The following TMPRSS11F variants were observed in gnomAD, a reference collection of about 807,000 sequenced individuals.
TMPRSS11F encodes transmembrane serine protease 11F.
TMPRSS11F carries 47 observed loss-of-function variants against 60.2 expected under a neutral mutation model. The ratio of observed to expected loss-of-function variants is 0.78; its 90% CI spans 0.62 to 1.00. TMPRSS11F has a LOEUF of 1.00. Ranked by LOEUF, TMPRSS11F falls within the 50% of genes least tolerant of loss-of-function variation. The pLI is 0.00. For missense variants in TMPRSS11F, 519 were observed against 522.9 expected (o/e 0.99, Z 0.07); for synonymous variants, 166 against 167.3 (o/e 0.99, Z 0.06).
At chr4:68,091,755 C>A (rs10005543) in intron 2 of TMPRSS11F, among the ~76,000 whole-genome samples, 8 of 28,290 alleles carry the variant, frequency 2.8e-4, no homozygotes, top group East Asian at 2.6e-3. Flanking sequence ...TAATCTCTCT[C>A]TCTCTCTCTC....
At chr4:68,084,280 C>T (rs1723763073) in intron 3 of TMPRSS11F, among the ~76,000 whole-genome samples, 1 of 152,098 alleles carries the variant, frequency 6.6e-6, no homozygotes, top group African/African-American at 2.4e-5. Context: ...CCCAATCTCA[C>T]TAGAGAAGTT....
At chr4:68,128,089 T>C (rs930595087) in intron 1 of TMPRSS11F, among the ~76,000 whole-genome samples, 1 of 152,094 alleles carries the variant, frequency 6.6e-6, no homozygotes, top group African/African-American at 2.4e-5. Context: ...TTTACCAAAA[T>C]GAGAAAGACA....
At chr4:68,073,684 G>A (rs1723525979) in intron 4 of TMPRSS11F, among the ~76,000 whole-genome samples, 1 of 152,288 alleles carries the variant, frequency 6.6e-6, no homozygotes, top group East Asian at 1.9e-4. Flanking sequence ...GGGGGAAGAG[G>A]GAATGTTAAC....
At chr4:68,061,439 C>T (rs941108042) in intron 8 of TMPRSS11F, among the ~76,000 whole-genome samples, 2 of 152,176 alleles carry the variant, frequency 1.3e-5, no homozygotes, top group African/African-American at 4.8e-5. Context: ...AATCTCAGAA[C>T]TGTTTTTAAC....
chr4:68,101,292 C>G (rs1265696519), intron 1 of TMPRSS11F, among the ~76,000 whole-genome samples: 11 of 152,094 alleles, frequency 7.2e-5, no homozygotes, highest in Non-Finnish European at 1.6e-4. Context: ...TGAAGTGTAG[C>G]TGGCAGGTAC....
intron 1 of TMPRSS11F, among the ~76,000 whole-genome samples, chr4:68,118,491 T>C (rs1010086832): frequency 1.3e-5 from 2 of 152,230 alleles, no homozygotes; most frequent in Non-Finnish European, 2.9e-5. Context: ...GTATATTTTA[T>C]GCAATTTAAA....
intron 1 of TMPRSS11F, among the ~76,000 whole-genome samples, chr4:68,117,636 G>T (rs1724554236): frequency 6.6e-6 from 1 of 152,092 alleles, no homozygotes; most frequent in Non-Finnish European, 1.5e-5. Context: ...CATCTGTTAG[G>T]ATGGTTGTTA....
chr4:68,087,634 A>G (rs1008962155), intron 3 of TMPRSS11F, among the ~76,000 whole-genome samples: 1 of 152,208 alleles, frequency 6.6e-6, no homozygotes, highest in Non-Finnish European at 1.5e-5. Flanking sequence ...AAAAGCTCCC[A>G]GAATCGATAA....
chr4:68,094,635 A>T (rs1724034859), intron 2 of TMPRSS11F, among the ~76,000 whole-genome samples: 2 of 151,786 alleles, frequency 1.3e-5, no homozygotes, highest in South Asian at 2.1e-4. Context: ...TTCATGGGAG[A>T]ATAATATTTT....
chr4:68,125,991 T>G (rs1030487609), intron 1 of TMPRSS11F, among the ~76,000 whole-genome samples: 9 of 152,190 alleles, frequency 5.9e-5, no homozygotes, highest in African/African-American at 2.2e-4. Context: ...AGCTAGCCAT[T>G]AAAGAAATAA....
At chr4:68,083,422 G>A (rs1034494046) in intron 3 of TMPRSS11F, among the ~76,000 whole-genome samples, 1 of 152,124 alleles carries the variant, frequency 6.6e-6, no homozygotes, top group Non-Finnish European at 1.5e-5. Context: ...ATACACAAGA[G>A]CAGGGCAGCT....
At chr4:68,106,205 A>C (rs1165054551) in intron 1 of TMPRSS11F, among the ~76,000 whole-genome samples, 1 of 152,228 alleles carries the variant, frequency 6.6e-6, no homozygotes, top group Non-Finnish European at 1.5e-5. Flanking sequence ...ACAGTAATGG[A>C]GTACACATCA....
chr4:68,056,518 T>C (rs902803271), intron 9 of TMPRSS11F, among the ~76,000 whole-genome samples: 2 of 148,094 alleles, frequency 1.4e-5, no homozygotes, highest in African/African-American at 5.0e-5. Flanking sequence ...CTGTAAAATA[T>C]AGAAGAAAGA....
At chr4:68,113,414 T>TG (rs1553888728) in intron 1 of TMPRSS11F, among the ~76,000 whole-genome samples, 3 of 146,340 alleles carry the variant, frequency 2.1e-5, no homozygotes, top group Non-Finnish European at 4.5e-5. Flanking sequence ...ATGAAAAATG[T>TG]AAAAAAAAAA....
intron 1 of TMPRSS11F, among the ~76,000 whole-genome samples, chr4:68,108,212 T>C (rs1181736730): frequency 2.0e-5 from 3 of 152,116 alleles, no homozygotes; most frequent in African/African-American, 7.2e-5. Context: ...GATGAATTGG[T>C]TGTAGAAATG....
rs575847181 is a variant in TMPRSS11F, at chr4:68,102,907, G to A, written c.12-3869C>T. ...TCACTGCCAAGGCCAATGTCCAGGA[G>A]CTTTTACCCTATGTTCTCTTCTGAA... On this transcript the variant is annotated intron_variant, in intron 1 of 9. Transcript: ENST00000356291. 3.3e-5 allele frequency among the ~76,000 whole-genome samples: 5 copies of A among 151,158 alleles called. No individual in the cohort carries two copies. In the South Asian group the frequency reaches 8.3e-4, roughly 25 times the overall value.
chr4:68,116,624 T>C (rs1724525163), intron 1 of TMPRSS11F, among the ~76,000 whole-genome samples: 1 of 152,184 alleles, frequency 6.6e-6, no homozygotes, highest in Non-Finnish European at 1.5e-5. Context: ...CAAAACAATA[T>C]GGCATTGGCA....
chr4:68,067,571 G>C (rs1723357159), intron 7 of TMPRSS11F, among the ~76,000 whole-genome samples: 1 of 152,268 alleles, frequency 6.6e-6, no homozygotes, highest in African/African-American at 2.4e-5. Context: ...TTGGAGGACT[G>C]TGTGAATATG....
chr4:68,126,450 A>G (rs941923396), intron 1 of TMPRSS11F, among the ~76,000 whole-genome samples: 2 of 152,222 alleles, frequency 1.3e-5, no homozygotes, highest in African/African-American at 4.8e-5. Context: ...TCTAGTTTTC[A>G]GCTTTTTACT....
Sources: gnomAD v4.1 joint callset for allele counts (sites outside exome capture counted in the v4.1 genomes callset) on GRCh38, gnomAD v4.1.1 for gene constraint, MANE v1.5 for transcripts, NCBI Gene and HGNC (gene_info 2026-07-23, HGNC 2026-07-21) for gene names.